The following CWH43 variants were observed in gnomAD, a reference collection of about 807,000 sequenced individuals.
CWH43 encodes the protein cell wall biogenesis 43 C-terminal homolog, also known as PGAP2-interacting protein.
A neutral mutation model predicts 85.7 loss-of-function variants in CWH43; 91 were observed. That is an observed-to-expected ratio of 1.06 (90% CI 0.90 to 1.26). The LOEUF is 1.26. Ranked by LOEUF, CWH43 falls within the 50% of genes most tolerant of loss-of-function variation. CWH43 has a pLI of 0.00. For missense variants in CWH43, 869 were observed against 839.2 expected, an observed-to-expected ratio of 1.04 and a Z score of -0.44; for synonymous variants, 323 against 293.6, an observed-to-expected ratio of 1.10 and a Z score of -1.02.
chr4:49,060,824 A>T (rs1256801966), intron 15 of CWH43, among the ~76,000 whole-genome samples: 8 of 152,180 alleles, frequency 5.3e-5, no homozygotes, highest in Non-Finnish European at 1.2e-4. Context: ...TCTTGCTGAC[A>T]CAACTCTTAT....
At chr4:49,055,571 T>C (rs1784924242) in intron 15 of CWH43, among the ~76,000 whole-genome samples, 1 of 147,278 alleles carries the variant, frequency 6.8e-6, no homozygotes, top group Non-Finnish European at 1.5e-5. Context: ...TTGAGAAGGA[T>C]GGGCATTAAT....
At chr4:49,032,539 C>A in intron 11 of CWH43, 27 bp from the exon 12 acceptor site, 1 of 1,612,706 alleles carries the variant, frequency 6.2e-7, no homozygotes, top group Non-Finnish European at 8.5e-7. Flanking sequence ...GACAATGATG[C>A]CCATGTCTCT....
At position 48,988,208 on chromosome 4, in the gene CWH43, T is replaced by C. The variant is rs1328499562; in HGVS notation, c.44-269T>C. On this transcript the variant is annotated intron_variant, in intron 1 of 15. Transcript: ENST00000226432. ...GATATACTCAGTGTCATGTGTTACATAGTGACATTTCACGAGGAAATTGCC... is the reference window on the plus strand; with the variant it reads ...GATATACTCAGTGTCATGTGTTACACAGTGACATTTCACGAGGAAATTGCC... Among the ~76,000 whole-genome samples the C allele has an allele frequency of 3.9e-5, 6 of 152,224 alleles. No individual in the cohort carries two copies. The East Asian group carries it at 7.7e-4, about 20-fold the overall frequency.
rs557354732 is a variant in CWH43 at position 49,048,940 on chromosome 4, T to G, written c.1866-1754T>G. On this transcript the variant is annotated intron_variant, in intron 14 of 15. Transcript: ENST00000226432. ...ATCTCAATCACCAAATTCAATGCCC[T>G]ACATGTAGTAGGTATTAGGTGCTTA... is the stretch of plus-strand genomic sequence containing the variant. 5.4e-4 allele frequency among the ~76,000 whole-genome samples: 83 copies of G among 152,296 alleles called. No homozygotes were observed. In the Middle Eastern group the frequency reaches 0.01, roughly 19 times the overall value.
chr4:49,002,366 T>A (rs1278595367), intron 6 of CWH43, among the ~76,000 whole-genome samples: 1 of 152,214 alleles, frequency 6.6e-6, no homozygotes, highest in Non-Finnish European at 1.5e-5. Context: ...TATATGTACA[T>A]TAAAATGTTT....
Position 49,003,775 on chromosome 4 carries a change from G to T in CWH43, c.843G>T (p.Trp281Cys). The change falls in exon 7 of 16, where the codon TGG (tryptophan) becomes TGT (cysteine). Residue 281 changes from tryptophan to cysteine, a missense_variant. This residue lies in a region of CWH43 where 577 missense variants were observed against 513.1 expected (regional missense o/e 1.12). Coordinates refer to ENST00000226432, the MANE Select transcript of CWH43 (RefSeq NM_025087.3). ...CGGGGCTCCTTTACCTGCACACATG[G>T]GCAGCTGCTGTGTCTGGCTGTGTCT... is the stretch of plus-strand genomic sequence containing the variant. ...SAAGLLYLHT[W>C]AAAVSGCVFA... 2.5e-6 allele frequency: 4 copies of T among 1,613,884 alleles called. No individual in the cohort carries two copies. The highest frequency in any genetic ancestry group is 3.3e-4 in the Middle Eastern group (2 of 6,056).
chr4:48,987,250 T>A (rs182673896), intron 1 of CWH43, among the ~76,000 whole-genome samples: 12 of 152,238 alleles, frequency 7.9e-5, no homozygotes, highest in Admixed American at 7.2e-4. Flanking sequence ...TCAGCCTGTA[T>A]CTATAAGTTG....
chr4:49,043,890 G>A (rs1784543250), intron 13 of CWH43, among the ~76,000 whole-genome samples: 1 of 151,820 alleles, frequency 6.6e-6, no homozygotes, highest in Non-Finnish European at 1.5e-5. Context: ...GTATATGTAT[G>A]TGTGTATTAT....
chr4:49,024,825 T>C (rs1270609843), intron 9 of CWH43, among the ~76,000 whole-genome samples: 1 of 152,180 alleles, frequency 6.6e-6, no homozygotes, highest in Non-Finnish European at 1.5e-5. Flanking sequence ...GATGACTATG[T>C]GCCTAGGTAG....
chr4:48,997,648 C>A (rs1222618464), intron 5 of CWH43, among the ~76,000 whole-genome samples: 1 of 152,120 alleles, frequency 6.6e-6, no homozygotes, highest in Non-Finnish European at 1.5e-5. Context: ...AGCCTGAGGA[C>A]AATTTTAGAT....
chr4:48,986,872 G>A, intron 1 of CWH43: 1 of 952,874 alleles, frequency 1.0e-6, no homozygotes, highest in Non-Finnish European at 1.3e-6. Context: ...GAAGGAAAGG[G>A]GCACCCGTTT....
intron 8 of CWH43, among the ~76,000 whole-genome samples, chr4:49,010,907 A>G (rs541214874): frequency 2.2e-4 from 33 of 152,216 alleles, no homozygotes; most frequent in African/African-American, 7.7e-4. Context: ...TATGTGGTCA[A>G]TTTTGGAATA....
At chr4:48,987,972 T>C (rs892849695) in intron 1 of CWH43, among the ~76,000 whole-genome samples, 1 of 152,130 alleles carries the variant, frequency 6.6e-6, no homozygotes, top group Non-Finnish European at 1.5e-5. Flanking sequence ...GTCAGGGTCC[T>C]GACGGGATGC....
intron 8 of CWH43, among the ~76,000 whole-genome samples, chr4:49,015,934 A>G (rs1272142787): frequency 1.3e-5 from 2 of 152,072 alleles, no homozygotes; most frequent in Non-Finnish European, 2.9e-5. Context: ...TATTTCTGTA[A>G]ATATAATAAG....
intron 2 of CWH43, 102 bp from the exon 3 acceptor site, chr4:48,991,352 C>A: frequency 8.3e-7 from 1 of 1,208,446 alleles, no homozygotes; most frequent in South Asian, 1.7e-5. Context: ...CTCTGTCTTC[C>A]TGAGTATAAA....
chr4:49,020,226 G>T (rs564658572), intron 9 of CWH43, among the ~76,000 whole-genome samples: 1 of 151,978 alleles, frequency 6.6e-6, no homozygotes, highest in South Asian at 2.1e-4. Flanking sequence ...TTACACCTTT[G>T]CATCCTCATA....
intron 13 of CWH43, among the ~76,000 whole-genome samples, chr4:49,039,547 AC>A (rs1382120185): frequency 2.0e-5 from 3 of 148,694 alleles, no homozygotes; most frequent in Non-Finnish European, 4.5e-5. Flanking sequence ...TCCATTTTCA[AC>A]TTCATGTCTT....
intron 1 of CWH43, chr4:48,986,899 G>A: frequency 1.3e-6 from 1 of 772,700 alleles, no homozygotes; most frequent in Non-Finnish European, 1.6e-6. Context: ...GGAGCTGTAG[G>A]TGGACACTGG....
chr4:48,991,944 G>T lies in CWH43; in HGVS notation c.365G>T (p.Arg122Ile), dbSNP rs550223498. The T allele has an allele frequency of 4.8e-5, 77 of 1,612,448 alleles. 2 individuals carry two copies. The South Asian group carries it at 6.8e-4, about 14-fold the overall frequency. Residue 122 changes from arginine (R) to isoleucine (I), a missense_variant, in exon 4 of 16, where the codon AGA (arginine) becomes ATA (isoleucine). Transcript: ENST00000226432. ...WSGSHLQRYL[R>I]IWGFILGQIV... Reference sequence around the variant, plus strand: ...TACTTTTGCACTTACAGGTACCTCAGAATTTGGGGATTCATTTTAGGACAG... The same window carrying T: ...TACTTTTGCACTTACAGGTACCTCATAATTTGGGGATTCATTTTAGGACAG...
Sources: allele counts gnomAD v4.1 joint callset (sites outside exome capture counted in the v4.1 genomes callset), GRCh38; gene constraint gnomAD v4.1.1; regional missense constraint gnomAD v4.1.1; transcripts MANE v1.5; gene names NCBI Gene and HGNC (gene_info 2026-07-23, HGNC 2026-07-21).